Variants in PCDHAC2 observed in about 807,000 individuals in gnomAD.
PCDHAC2 encodes protocadherin alpha subfamily C, 2.
A neutral mutation model predicts 63.3 loss-of-function variants in PCDHAC2; 24 were observed. The observed-to-expected ratio is 0.38, with a 90% CI of 0.27 to 0.53. The LOEUF (loss-of-function observed/expected upper bound fraction) is 0.53. PCDHAC2 is among the 20% of genes least tolerant of loss of function. The pLI is 0.81. For missense variants in PCDHAC2, 1,181 were observed against 1,275.2 expected, an observed-to-expected ratio of 0.93 and a Z score of 1.12; for synonymous variants, 569 against 529.4, an observed-to-expected ratio of 1.07 and a Z score of -1.03.
intron 3 of PCDHAC2, among the ~76,000 whole-genome samples, chr5:140,998,364 C>T (rs2097808386): frequency 6.6e-6 from 1 of 152,192 alleles, no homozygotes; most frequent in South Asian, 2.1e-4. Flanking sequence ...AACCACTGCA[C>T]ACACCGTCTC....
In PCDHAC2 at chr5:140,966,882, C is replaced by T. The variant is rs782464160; in HGVS notation, c.116C>T (p.Pro39Leu). The T allele has an allele frequency of 6.3e-7, 1 of 1,589,690 alleles. No individual in the cohort carries two copies. Among genetic ancestry groups the T allele is most frequent in the Admixed American group, 1.7e-5 (1 of 57,334 alleles). Residue 39 changes from proline (P) to leucine (L), a missense_variant, in exon 1 of 4, where the codon CCT (proline) becomes CTT (leucine). Transcript: ENST00000289269. ...CTGTTGCTGCTGCTGCTACCTGGCC[C>T]TGCGGCCTCCCAGCTGCGATACTCT... The part of the protein sequence containing the change: ...LLLLLLLLPG[P>L]AASQLRYSVP...
chr5:141,008,286 A>G (rs944894226), intron 3 of PCDHAC2, among the ~76,000 whole-genome samples: 1 of 152,248 alleles, frequency 6.6e-6, no homozygotes, highest in Admixed American at 6.5e-5. Flanking sequence ...TTGAAATAGC[A>G]GTTGTACCCA....
intron 1 of PCDHAC2, among the ~76,000 whole-genome samples, chr5:140,976,726 T>C (rs2096728998): frequency 6.6e-6 from 1 of 152,202 alleles, no homozygotes; most frequent in East Asian, 1.9e-4. Context: ...TTCATTTATT[T>C]AAACACATTT....
intron 3 of PCDHAC2, among the ~76,000 whole-genome samples, chr5:140,983,513 CTG>C (rs1165213074): frequency 6.6e-6 from 1 of 152,196 alleles, no homozygotes; most frequent in Non-Finnish European, 1.5e-5. Context: ...TGCCTAGACA[CTG>C]TGCCAAGTAC....
chr5:140,998,241 T>C (rs1554256206), intron 3 of PCDHAC2, among the ~76,000 whole-genome samples: 1 of 152,194 alleles, frequency 6.6e-6, no homozygotes, highest in African/African-American at 2.4e-5. Context: ...TGCATTATTA[T>C]ACTCATTTTA....
chr5:141,000,412 TATATATATA>T (rs1297219533), intron 3 of PCDHAC2, among the ~76,000 whole-genome samples: 3 of 102,772 alleles, frequency 2.9e-5, no homozygotes, highest in Admixed American at 1.2e-4. Flanking sequence ...TATATATATA[TATATATATA>T]TTTTTTTTTT....
chr5:140,967,633 T>G lies in PCDHAC2; in HGVS notation c.867T>G (p.Asn289Lys). Residue 289 changes from asparagine to lysine, a missense_variant, in exon 1 of 4, where the codon AAT becomes AAG. Physicochemically the swap from Asn to Lys is moderately conservative, Grantham distance 94. This residue lies in a region of PCDHAC2 where 968 missense variants were observed against 1,073.5 expected (regional missense o/e 0.90). Transcript: ENST00000289269. ...LNASDPDEGS[N>K]GELRYSLSSY... is the part of the protein sequence containing the mutation. ...CCTCAGACCCGGATGAGGGCTCCAA[T>G]GGTGAGCTCAGGTACTCCTTGAGCA... 2 of 1,614,106 alleles carry G rather than the reference T, an allele frequency of 1.2e-6. No individual in the cohort carries two copies. The highest frequency in any genetic ancestry group is 1.7e-6 in the Non-Finnish European group (2 of 1,180,012).
intron 3 of PCDHAC2, among the ~76,000 whole-genome samples, chr5:140,991,619 A>G (rs1554252338): frequency 1.3e-5 from 2 of 152,206 alleles, no homozygotes; most frequent in African/African-American, 4.8e-5. Context: ...CTTTAATGCC[A>G]TATTTGTAAT....
rs140322145 is a variant in PCDHAC2, at chr5:140,968,725, T to C, written c.1959T>C (p.Gly653=). The part of the protein sequence containing the change: ...RTTRKMGDES[G]STFNLTVVVR... ...CCAGGAAGATGGGAGATGAGAGTGG[T>C]AGCACTTTCAACCTGACCGTGGTGG... Residue 653 remains glycine, a synonymous_variant, in exon 1 of 4, where the codon GGT becomes GGC. Coordinates refer to ENST00000289269, the MANE Select transcript of PCDHAC2 (RefSeq NM_018899.6). 3.1e-6 allele frequency: 5 copies of C among 1,613,932 alleles called. No individual in the cohort carries two copies. In the African/African-American group the frequency reaches 6.7e-5, roughly 22 times the overall value.
At chr5:140,971,419 G>A (rs1554233321) in intron 1 of PCDHAC2, among the ~76,000 whole-genome samples, 1 of 152,140 alleles carries the variant, frequency 6.6e-6, no homozygotes. Context: ...TGGAAATCCA[G>A]TGAAGAACCC....
chr5:140,988,862 T>G (rs1554250483), intron 3 of PCDHAC2: 2 of 152,218 alleles, frequency 1.3e-5, no homozygotes, highest in Non-Finnish European at 1.5e-5. Flanking sequence ...CAGTCTCATG[T>G]GCACTCAGAT....
intron 1 of PCDHAC2, among the ~76,000 whole-genome samples, chr5:140,978,595 G>A (rs2096811492): frequency 6.6e-6 from 1 of 152,214 alleles, no homozygotes; most frequent in African/African-American, 2.4e-5. Flanking sequence ...CCTTAATGGG[G>A]CACTTGAGGG....
rs1323816592 is a variant in PCDHAC2 at position 140,967,882 on chromosome 5, C to T, written c.1116C>T (p.Ser372=). Residue 372 remains serine (S), a synonymous_variant, in exon 1 of 4, where the codon AGC becomes AGT. Transcript: ENST00000289269. ...APEVVLTDLY[S]PVPENATPNT... Reference sequence around the variant, plus strand: ...AGGTGGTGCTCACGGACCTGTATAGCCCAGTGCCTGAGAATGCTACACCCA... The same window carrying T: ...AGGTGGTGCTCACGGACCTGTATAGTCCAGTGCCTGAGAATGCTACACCCA... The T allele has an allele frequency of 1.2e-6, 2 of 1,614,108 alleles. No homozygotes were observed.
Position 140,968,781 on chromosome 5 carries a change from C to G in PCDHAC2, c.2015C>G (p.Ala672Gly). ...VRDNGEPSLS[A>G]SVAITVAVVD... is the part of the protein sequence containing the mutation. ...GATAATGGAGAGCCATCACTATCAG[C>G]CTCTGTGGCCATTACAGTAGCTGTG... Residue 672 changes from alanine (A) to glycine (G), a missense_variant, in exon 1 of 4, where the codon GCC (alanine) becomes GGC (glycine). By Grantham distance (60) the Ala-to-Gly change is moderately conservative (BLOSUM62 0). Coordinates refer to ENST00000289269, the MANE Select transcript of PCDHAC2 (RefSeq NM_018899.6). The G allele has an allele frequency of 6.2e-7, 1 of 1,614,182 alleles. No homozygotes were observed.
At chr5:140,977,591 A>T (rs1267599253) in intron 1 of PCDHAC2, among the ~76,000 whole-genome samples, 2 of 152,164 alleles carry the variant, frequency 1.3e-5, no homozygotes, top group African/African-American at 4.8e-5. Context: ...AGCAGTTAGC[A>T]TGTGAGGACC....
intron 1 of PCDHAC2, among the ~76,000 whole-genome samples, chr5:140,975,967 A>C (rs2096692306): frequency 6.6e-6 from 1 of 152,176 alleles, no homozygotes; most frequent in African/African-American, 2.4e-5. Context: ...TCACCAATAG[A>C]AAGTAAGCAT....
intron 3 of PCDHAC2, among the ~76,000 whole-genome samples, chr5:141,000,417 A>T (rs1334137638): frequency 1.8e-3 from 141 of 77,654 alleles, no homozygotes; most frequent in African/African-American, 4.6e-3. Context: ...ATATATATAT[A>T]TATATTTTTT....
At chr5:140,994,998 G>A (rs2097659261) in intron 3 of PCDHAC2, among the ~76,000 whole-genome samples, 1 of 152,150 alleles carries the variant, frequency 6.6e-6, no homozygotes, top group African/African-American at 2.4e-5. Context: ...AGGTTAGTTG[G>A]TTTGTTTATA....
At chr5:140,996,926 T>C (rs569386997) in intron 3 of PCDHAC2, among the ~76,000 whole-genome samples, 4 of 152,320 alleles carry the variant, frequency 2.6e-5, no homozygotes, top group Middle Eastern at 3.4e-3. Flanking sequence ...TTAAAAAATA[T>C]AGCATTTTTG....
Sources: gnomAD v4.1 joint callset for allele counts (sites outside exome capture counted in the v4.1 genomes callset) on GRCh38, gnomAD v4.1.1 for gene constraint, gnomAD v4.1.1 regional missense constraint, MANE v1.5 for transcripts, NCBI Gene and HGNC (gene_info 2026-07-23, HGNC 2026-07-21) for gene names.